RSU1: variants seen among roughly 807,000 people sequenced by gnomAD.
RSU1 encodes Ras suppressor protein 1, also known as rsu-1.
RSU1 carries 26 observed loss-of-function variants against 31.1 expected under a neutral mutation model. That is an observed-to-expected ratio of 0.84 (90% CI 0.61 to 1.16). RSU1 has a LOEUF of 1.16. RSU1 is among the 50% of genes most tolerant of loss of function. RSU1 has a pLI of 0.00. For synonymous variants in RSU1, 164 were observed against 136.3 expected (o/e 1.20, Z -1.41); for missense variants, 320 against 339.1 (o/e 0.94, Z 0.44).
chr10:16,635,124 A>G (rs2131495323), intron 8 of RSU1, among the ~76,000 whole-genome samples: 1 of 152,338 alleles, frequency 6.6e-6, no homozygotes, highest in East Asian at 1.9e-4. Flanking sequence ...AATAACAATC[A>G]TGCCCAATAT....
At chr10:16,796,023 G>T (rs370977414) in intron 2 of RSU1, among the ~76,000 whole-genome samples, 3 of 152,130 alleles carry the variant, frequency 2.0e-5, no homozygotes, top group Non-Finnish European at 4.4e-5. Context: ...TTTTCAAGCA[G>T]GAGGAGCTGG....
intron 8 of RSU1, among the ~76,000 whole-genome samples, chr10:16,631,721 T>C (rs1306289525): frequency 6.6e-6 from 1 of 152,356 alleles, no homozygotes; most frequent in African/African-American, 2.4e-5. Flanking sequence ...TGGTCTTATG[T>C]TGCCAAGTGA....
chr10:16,626,877 T>G (rs1834168112), intron 8 of RSU1, among the ~76,000 whole-genome samples: 1 of 152,070 alleles, frequency 6.6e-6, no homozygotes, highest in Non-Finnish European at 1.5e-5. Context: ...GCATTGGGAG[T>G]GGTCTCCCAG....
chr10:16,774,495 G>A lies in RSU1; in HGVS notation c.160+7539C>T, dbSNP rs186562110. 1.4e-4 allele frequency among the ~76,000 whole-genome samples: 22 copies of A among 152,250 alleles called. No homozygotes were observed. The East Asian group carries it at 3.5e-3, about 24-fold the overall frequency. On this transcript the variant is annotated intron_variant, in intron 3 of 8. Transcript: ENST00000345264. Reference sequence around the variant, plus strand: ...TGAGGCAGAAGAATCGCTTGAACTCGGGAGATGGAGGTTGCAGTGAGCCGA... The same window carrying A: ...TGAGGCAGAAGAATCGCTTGAACTCAGGAGATGGAGGTTGCAGTGAGCCGA...
chr10:16,661,285 T>TGC (rs1433237021), intron 8 of RSU1, among the ~76,000 whole-genome samples: 1 of 103,140 alleles, frequency 9.7e-6, no homozygotes, highest in Non-Finnish European at 1.7e-5. Context: ...ATGTAGAGAG[T>TGC]GCGTGTGTGT....
chr10:16,631,673 G>A (rs1834252407), intron 8 of RSU1, among the ~76,000 whole-genome samples: 1 of 152,160 alleles, frequency 6.6e-6, no homozygotes, highest in Admixed American at 6.5e-5. Context: ...TTACCTGGTG[G>A]GACAATTCAG....
chr10:16,690,050 C>T (rs1835513524), intron 8 of RSU1, among the ~76,000 whole-genome samples: 1 of 152,164 alleles, frequency 6.6e-6, no homozygotes, highest in Non-Finnish European at 1.5e-5. Flanking sequence ...TTGGTATCCA[C>T]GTTCCTTGAT....
chr10:16,802,027 A>G (rs976660693), intron 2 of RSU1, among the ~76,000 whole-genome samples: 16 of 152,020 alleles, frequency 1.1e-4, no homozygotes, highest in Admixed American at 9.8e-4. Context: ...AGAAAACAAG[A>G]AAAATGAGAA....
intron 8 of RSU1, among the ~76,000 whole-genome samples, chr10:16,683,267 T>C (rs1447231661): frequency 2.0e-5 from 3 of 151,824 alleles, no homozygotes; most frequent in Admixed American, 6.6e-5. Flanking sequence ...TGTGAAGGTG[T>C]AGAGGCTACA....
intron 3 of RSU1, among the ~76,000 whole-genome samples, chr10:16,770,608 G>A (rs1262465506): frequency 6.6e-6 from 1 of 152,208 alleles, no homozygotes; most frequent in African/African-American, 2.4e-5. Context: ...GCTGGCCCAG[G>A]GCATGAAAGC....
intron 7 of RSU1, among the ~76,000 whole-genome samples, chr10:16,728,558 G>A (rs1836442069): frequency 6.6e-6 from 1 of 152,190 alleles, no homozygotes; most frequent in Non-Finnish European, 1.5e-5. Flanking sequence ...TCATAGGTGT[G>A]TTACTATGTG....
intron 8 of RSU1, among the ~76,000 whole-genome samples, chr10:16,644,681 T>A (rs574836563): frequency 6.6e-6 from 1 of 152,118 alleles, no homozygotes; most frequent in Non-Finnish European, 1.5e-5. Flanking sequence ...GCTAAATGGA[T>A]CTGCAGAAAG....
rs112431780 is a variant in RSU1 at position 16,816,972 on chromosome 10, C to A, written c.109+1G>T. 1 of 1,610,294 alleles carries A rather than the reference C, an allele frequency of 6.2e-7. No homozygotes were observed. Among genetic ancestry groups the A allele is most frequent in the Non-Finnish European group, 8.5e-7 (1 of 1,176,432 alleles). ...CGGGAGAGTCCTGCCCGAGAACTCA[C>A]AGAGGCCGTTGACATCCAGCATGTT... On this transcript the variant is annotated splice_donor_variant, in intron 2 of 8. Transcript: ENST00000345264. LOFTEE classifies it high-confidence loss of function.
At chr10:16,714,956 T>C (rs888891985) in intron 7 of RSU1, among the ~76,000 whole-genome samples, 10 of 152,160 alleles carry the variant, frequency 6.6e-5, no homozygotes, top group African/African-American at 2.4e-4. Context: ...TGCTAGCATT[T>C]CTGGTGGCAA....
rs1833527850 is a variant in RSU1, at chr10:16,592,607, C to G, written c.*787G>C. On this transcript the variant is annotated 3_prime_UTR_variant, in exon 9 of 9. Transcript: ENST00000345264. ...CTCTTTCACAGTTCTTGTCTACCAG[C>G]CCCTGGCAGAAATCACCATTTCTTC... 1 of 152,108 alleles carries G rather than the reference C, an allele frequency of 6.6e-6. No individual in the cohort carries two copies. Among genetic ancestry groups the G allele is most frequent in the African/African-American group, 2.4e-5 (1 of 41,414 alleles). 9.4% of individuals were successfully genotyped at this position (152,108 alleles called of 1,614,324 possible).
At chr10:16,633,855 C>A (rs1564292902) in intron 8 of RSU1, among the ~76,000 whole-genome samples, 1 of 152,124 alleles carries the variant, frequency 6.6e-6, no homozygotes, top group Non-Finnish European at 1.5e-5. Context: ...TCTCACAACC[C>A]CTGGACCCCG....
At chr10:16,789,612 T>C (rs1245981694) in intron 2 of RSU1, among the ~76,000 whole-genome samples, 1 of 152,138 alleles carries the variant, frequency 6.6e-6, no homozygotes, top group Non-Finnish European at 1.5e-5. Context: ...ATAGAATGGG[T>C]TATTTAAAAG....
intron 7 of RSU1, among the ~76,000 whole-genome samples, chr10:16,701,242 A>G (rs17139053): frequency 0.015 from 2,348 of 152,340 alleles, 57 homozygotes; most frequent in African/African-American, 0.05. Context: ...AATTGGTACA[A>G]AACAGTATCC....
At chr10:16,770,932 T>C (rs371140824) in intron 3 of RSU1, among the ~76,000 whole-genome samples, 114 of 147,452 alleles carry the variant, frequency 7.7e-4, no homozygotes, top group African/African-American at 2.8e-3. Flanking sequence ...TAGTATTGCT[T>C]CTAAAAACCT....
Sources: gnomAD v4.1 joint callset for allele counts (sites outside exome capture counted in the v4.1 genomes callset) on GRCh38, gnomAD v4.1.1 for gene constraint, MANE v1.5 for transcripts, NCBI Gene and HGNC (gene_info 2026-07-23, HGNC 2026-07-21) for gene names.